Variants in NUP107 observed in about 807,000 individuals in gnomAD.
NUP107 encodes nuclear pore complex protein Nup107.
Under a neutral mutation model 141.0 loss-of-function variants are expected in NUP107, and 101 were observed. That is an observed-to-expected ratio of 0.72 (90% CI 0.61 to 0.84). NUP107 has a LOEUF of 0.84. Among genes scored for constraint, NUP107 ranks in the 40% least tolerant of loss-of-function variants. The pLI is 0.00. For synonymous variants in NUP107, 319 were observed against 363.9 expected (o/e 0.88, Z 1.41); for missense variants, 941 against 1,102.7 (o/e 0.85, Z 2.08).
chr12:68,707,342 C>T (rs1455566321), intron 8 of NUP107, among the ~76,000 whole-genome samples: 2 of 152,156 alleles, frequency 1.3e-5, no homozygotes, highest in Non-Finnish European at 2.9e-5. Flanking sequence ...AGGCTCATGC[C>T]GGTAATCCCA....
chr12:68,712,752 T>C (rs775938704), intron 10 of NUP107, among the ~76,000 whole-genome samples: 3 of 151,844 alleles, frequency 2.0e-5, no homozygotes, highest in Non-Finnish European at 4.4e-5. Context: ...CCACAATAGA[T>C]TCACACTGAT....
At chr12:68,725,180 A>G (rs2136036664) in intron 17 of NUP107, among the ~76,000 whole-genome samples, 1 of 152,360 alleles carries the variant, frequency 6.6e-6, no homozygotes, top group Admixed American at 6.5e-5. Context: ...ATAAAAATTA[A>G]AATACGTTTG....
chr12:68,709,862 C>T (rs920258387), intron 9 of NUP107, 143 bp from the exon 10 acceptor site: 32 of 483,912 alleles, frequency 6.6e-5, no homozygotes, highest in African/African-American at 6.5e-4. Context: ...GCACTCCAGC[C>T]TGCACGACAG....
At chr12:68,741,655 C>G (rs1041652683) in intron 26 of NUP107, among the ~76,000 whole-genome samples, 158 bp from the exon 27 acceptor site, 1 of 152,204 alleles carries the variant, frequency 6.6e-6, no homozygotes, top group Non-Finnish European at 1.5e-5. Flanking sequence ...TTTTCACTGT[C>G]ATACCTCTCT....
chr12:68,718,627 A>AT (rs1047459908), intron 12 of NUP107, among the ~76,000 whole-genome samples: 22 of 152,072 alleles, frequency 1.4e-4, no homozygotes, highest in African/African-American at 5.3e-4. Context: ...CAGAAAAGGG[A>AT]TTTTTTAGAA....
At chr12:68,701,568 G>A (rs1876328855) in intron 7 of NUP107, among the ~76,000 whole-genome samples, 1 of 151,924 alleles carries the variant, frequency 6.6e-6, no homozygotes, top group Non-Finnish European at 1.5e-5. Flanking sequence ...TATAATCCCA[G>A]CTACTTGGGA....
At chr12:68,699,258 A>G (rs1876211180) in intron 6 of NUP107, among the ~76,000 whole-genome samples, 1 of 152,114 alleles carries the variant, frequency 6.6e-6, no homozygotes, top group South Asian at 2.1e-4. Flanking sequence ...CTGTAATCCC[A>G]GCTACTCGGG....
At chr12:68,736,797 G>A (rs771437597) in intron 26 of NUP107, among the ~76,000 whole-genome samples, 5 of 140,494 alleles carry the variant, frequency 3.6e-5, no homozygotes, top group Non-Finnish European at 6.0e-5. Context: ...ATCTTGGCTC[G>A]CCTCCCAGAT....
intron 20 of NUP107, among the ~76,000 whole-genome samples, chr12:68,729,455 G>A (rs1334859906): frequency 8.1e-6 from 1 of 123,496 alleles, no homozygotes; most frequent in Non-Finnish European, 1.7e-5. Context: ...TTTTTTTTTT[G>A]AGATGGAGTC....
At chr12:68,706,863 A>G in intron 8 of NUP107, 2 of 757,280 alleles carry the variant, frequency 2.6e-6, no homozygotes, top group Non-Finnish European at 4.8e-6. Flanking sequence ...ATCCATACGA[A>G]GACCACCAGC....
At chr12:68,688,805 G>A (rs1326912989) in intron 1 of NUP107, among the ~76,000 whole-genome samples, 157 bp from the exon 2 acceptor site, 2 of 152,184 alleles carry the variant, frequency 1.3e-5, no homozygotes, top group Admixed American at 6.6e-5. Flanking sequence ...AGGATTTGGA[G>A]CCAGGAGTGC....
chr12:68,730,928 A>T (rs1877794917), intron 20 of NUP107, among the ~76,000 whole-genome samples, 182 bp from the exon 21 acceptor site: 1 of 152,206 alleles, frequency 6.6e-6, no homozygotes, highest in African/African-American at 2.4e-5. Flanking sequence ...TGATCATGCC[A>T]CTGTACCCTA....
chr12:68,718,695 T>A (rs1257882576), intron 12 of NUP107, among the ~76,000 whole-genome samples: 4 of 138,632 alleles, frequency 2.9e-5, no homozygotes, highest in Non-Finnish European at 6.7e-5. Flanking sequence ...GTTGGGAGGC[T>A]GAGGTAGGGG....
intron 8 of NUP107, chr12:68,705,781 C>A: frequency 1.3e-6 from 1 of 749,874 alleles, no homozygotes; most frequent in Non-Finnish European, 2.5e-6. Context: ...CCGGGGTAGC[C>A]TGGGTGGAGA....
At chr12:68,721,526 C>T (rs760733361) in intron 15 of NUP107, among the ~76,000 whole-genome samples, 25 of 152,190 alleles carry the variant, frequency 1.6e-4, no homozygotes, top group Middle Eastern at 3.4e-3. Context: ...GTCTTACATA[C>T]GCATGTTTTC....
At chr12:68,717,217 A>T (rs1877152270) in intron 12 of NUP107, among the ~76,000 whole-genome samples, 1 of 152,148 alleles carries the variant, frequency 6.6e-6, no homozygotes, top group African/African-American at 2.4e-5. Flanking sequence ...ATTTTAAAAA[A>T]CAAAAATACA....
intron 8 of NUP107, chr12:68,706,956 C>G: frequency 1.5e-6 from 1 of 657,814 alleles, no homozygotes. Flanking sequence ...AGCTTTGGCT[C>G]TGGTGCGGGC....
intron 8 of NUP107, chr12:68,706,962 C>T (rs563261610): frequency 6.4e-5 from 42 of 653,866 alleles, no homozygotes; most frequent in South Asian, 4.7e-4. Context: ...GGCTCTGGTG[C>T]GGGCTCCAGT....
At chr12:68,735,460 C>A in intron 26 of NUP107, 116 bp downstream of exon 26, 1 of 705,426 alleles carries the variant, frequency 1.4e-6, no homozygotes, top group South Asian at 1.8e-5. Flanking sequence ...GTAGATATAG[C>A]TAAATCCCAT....
Sources: gnomAD v4.1 joint callset for allele counts (sites outside exome capture counted in the v4.1 genomes callset) on GRCh38, gnomAD v4.1.1 for gene constraint, MANE v1.5 for transcripts, NCBI Gene and HGNC (gene_info 2026-07-23, HGNC 2026-07-21) for gene names.